SNTG1: variants seen among roughly 807,000 people sequenced by gnomAD.
The protein encoded by SNTG1 is syntrophin gamma 1.
Under a neutral mutation model 74.7 loss-of-function variants are expected in SNTG1, and 39 were observed. That is an observed-to-expected ratio of 0.52 (90% CI 0.40 to 0.68). The LOEUF (loss-of-function observed/expected upper bound fraction) is 0.68. Ranked by LOEUF, SNTG1 falls within the 30% of genes least tolerant of loss-of-function variation. The probability of loss-of-function intolerance (pLI) is 0.00; values close to 1 mark genes in which losing one functional copy is unlikely to be tolerated. For missense variants in SNTG1, 685 were observed against 609.5 expected (o/e 1.12, Z -1.30); for synonymous variants, 254 against 217.1 (o/e 1.17, Z -1.49).
intron 2 of SNTG1, among the ~76,000 whole-genome samples, chr8:50,224,470 G>C (rs955082338): frequency 6.6e-6 from 1 of 152,128 alleles, no homozygotes; most frequent in Non-Finnish European, 1.5e-5. Flanking sequence ...AGGACCCTAG[G>C]CCTCAAGGAT....
intron 1 of SNTG1, among the ~76,000 whole-genome samples, chr8:49,982,901 G>T (rs1027793388): frequency 5.3e-5 from 8 of 152,116 alleles, no homozygotes; most frequent in Admixed American, 2.6e-4. Flanking sequence ...CAGTAAAATT[G>T]ATGTAATCCA....
intron 18 of SNTG1, among the ~76,000 whole-genome samples, chr8:50,759,935 C>G (rs924086788): frequency 1.1e-4 from 17 of 152,000 alleles, no homozygotes; most frequent in African/African-American, 4.1e-4. Context: ...TTACTTTGGG[C>G]ATGTGGCCAT....
chr8:49,969,622 C>G (rs963026879), intron 1 of SNTG1, among the ~76,000 whole-genome samples: 1 of 151,822 alleles, frequency 6.6e-6, no homozygotes, highest in Non-Finnish European at 1.5e-5. Flanking sequence ...GTGTCAACCT[C>G]CTGACCTCAG....
intron 2 of SNTG1, among the ~76,000 whole-genome samples, chr8:50,372,599 A>G (rs758817566): frequency 1.3e-5 from 2 of 152,190 alleles, no homozygotes; most frequent in Non-Finnish European, 2.9e-5. Flanking sequence ...TTAACTTTAT[A>G]TAATTTTATT....
chr8:50,069,946 C>T (rs1193036533), intron 1 of SNTG1, among the ~76,000 whole-genome samples: 4 of 152,066 alleles, frequency 2.6e-5, no homozygotes, highest in Admixed American at 1.3e-4. Flanking sequence ...CTTCTGTGAG[C>T]GCAAGTCAGG....
At position 50,230,840 on chromosome 8, in the gene SNTG1, C is replaced by CTT. The variant is rs71235782; in HGVS notation, c.-28+58216_-28+58217dup. ...AACTATCTAACATTGGTTTGGGTAACTTTTTTTTTTTTAATTTGACTCAAA... is the reference window on the plus strand; with the variant it reads ...AACTATCTAACATTGGTTTGGGTAACTTTTTTTTTTTTTTAATTTGACTCAAA... On this transcript the variant is annotated intron_variant, in intron 2 of 18. Transcript: ENST00000642720. Among the ~76,000 whole-genome samples, 143 of 145,554 alleles carry CTT rather than the reference C, an allele frequency of 9.8e-4. 1 individual carries two copies. The highest frequency in any genetic ancestry group is 1.1e-3 in the Non-Finnish European group (69 of 65,500).
At chr8:50,235,153 A>T (rs2085823975) in intron 2 of SNTG1, among the ~76,000 whole-genome samples, 1 of 152,168 alleles carries the variant, frequency 6.6e-6, no homozygotes, top group South Asian at 2.1e-4. Flanking sequence ...TCTCATGTTC[A>T]TTGCAGCTGT....
At chr8:50,236,437 T>G (rs1053154509) in intron 2 of SNTG1, among the ~76,000 whole-genome samples, 1 of 149,212 alleles carries the variant, frequency 6.7e-6, no homozygotes, top group South Asian at 2.1e-4. Flanking sequence ...TTACAGAAAC[T>G]TTTTAATTGT....
chr8:50,516,948 C>G (rs1020425189), intron 9 of SNTG1, among the ~76,000 whole-genome samples: 1 of 152,084 alleles, frequency 6.6e-6, no homozygotes, highest in Admixed American at 6.6e-5. Flanking sequence ...CAGAGAACAC[C>G]ACAAAGACAG....
At chr8:50,275,046 A>T (rs1451544375) in intron 2 of SNTG1, among the ~76,000 whole-genome samples, 1 of 151,810 alleles carries the variant, frequency 6.6e-6, no homozygotes, top group Non-Finnish European at 1.5e-5. Context: ...ATAATTCTTT[A>T]TCTGGTTTTG....
At chr8:49,963,429 A>T (rs1810871287) in intron 1 of SNTG1, among the ~76,000 whole-genome samples, 1 of 152,118 alleles carries the variant, frequency 6.6e-6, no homozygotes, top group Non-Finnish European at 1.5e-5. Flanking sequence ...CTGCTGTTTC[A>T]CAATTTTATT....
Position 50,760,510 on chromosome 8 carries a change from T to A in SNTG1, c.1395+8399T>A, listed in dbSNP as rs570224546. Reference sequence around the variant, plus strand: ...ATAGCTCTTATTATTTTGAGATATGTTCCATCAATAACTAGTTTATTGAGA... The same window carrying A: ...ATAGCTCTTATTATTTTGAGATATGATCCATCAATAACTAGTTTATTGAGA... On this transcript the variant is annotated intron_variant, in intron 18 of 18. Coordinates refer to ENST00000642720, the MANE Select transcript of SNTG1 (RefSeq NM_018967.5). 2.0e-5 allele frequency among the ~76,000 whole-genome samples: 3 copies of A among 152,086 alleles called. No individual in the cohort carries two copies. In the East Asian group the frequency reaches 5.9e-4, roughly 30 times the overall value.
rs138540692 is a variant in SNTG1 at position 50,629,237 on chromosome 8, A to G, written c.850-27672A>G. On this transcript the variant is annotated intron_variant, in intron 13 of 18. Coordinates refer to ENST00000642720, the MANE Select transcript of SNTG1 (RefSeq NM_018967.5). ...TATTCTACAGCAGAGATTTTTTTCA[A>G]ATTTCTTTAATGTATACAATTTTTT... Among the ~76,000 whole-genome samples the G allele has an allele frequency of 1.5e-3, 233 of 152,150 alleles. 1 individual carries two copies. Among genetic ancestry groups the G allele is most frequent in the African/African-American group, 5.4e-3 (223 of 41,544 alleles).
At chr8:50,186,225 C>T (rs1025640456) in intron 2 of SNTG1, among the ~76,000 whole-genome samples, 3 of 151,956 alleles carry the variant, frequency 2.0e-5, no homozygotes, top group Non-Finnish European at 4.4e-5. Flanking sequence ...GTATATGTGC[C>T]ACATTTTCTT....
At chr8:50,307,238 C>A (rs1303597180) in intron 2 of SNTG1, among the ~76,000 whole-genome samples, 2 of 151,984 alleles carry the variant, frequency 1.3e-5, no homozygotes, top group Non-Finnish European at 2.9e-5. Flanking sequence ...TAAATGTATG[C>A]AGGAGACTAA....
chr8:50,017,770 A>T (rs1816463884), intron 1 of SNTG1, among the ~76,000 whole-genome samples: 1 of 151,988 alleles, frequency 6.6e-6, no homozygotes. Context: ...GCAAAAACTG[A>T]CAGAATTAAA....
intron 12 of SNTG1, among the ~76,000 whole-genome samples, chr8:50,554,757 A>G (rs1030120462): frequency 6.6e-6 from 1 of 152,196 alleles, no homozygotes; most frequent in African/African-American, 2.4e-5. Context: ...ACTGACTTAT[A>G]TGGATGCTTC....
At chr8:50,205,110 G>T (rs2084158365) in intron 2 of SNTG1, among the ~76,000 whole-genome samples, 1 of 152,128 alleles carries the variant, frequency 6.6e-6, no homozygotes, top group Non-Finnish European at 1.5e-5. Context: ...GGGTCAAATG[G>T]TATTTCTAGT....
intron 8 of SNTG1, among the ~76,000 whole-genome samples, chr8:50,466,159 T>C (rs1355029554): frequency 6.6e-6 from 1 of 152,132 alleles, no homozygotes; most frequent in African/African-American, 2.4e-5. Flanking sequence ...CACTTTCTTT[T>C]AGAATTTTAT....
Sources: allele counts gnomAD v4.1 joint callset (sites outside exome capture counted in the v4.1 genomes callset), GRCh38; gene constraint gnomAD v4.1.1; transcripts MANE v1.5; gene names NCBI Gene and HGNC (gene_info 2026-07-23, HGNC 2026-07-21).